GPC6: variants seen among roughly 807,000 people sequenced by gnomAD.
GPC6 encodes the protein glypican-6.
GPC6 carries 14 observed loss-of-function variants against 55.2 expected under a neutral mutation model. That is an observed-to-expected ratio of 0.25 (90% confidence interval 0.17 to 0.40). The LOEUF (loss-of-function observed/expected upper bound fraction) is 0.40, where lower values mean the gene tolerates loss of function less well. Among genes scored for constraint, GPC6 ranks in the 10% least tolerant of loss-of-function variants. The pLI, the probability that GPC6 is intolerant of heterozygous loss-of-function variation, is 1.00. For missense variants in GPC6, 641 were observed against 708.5 expected, an observed-to-expected ratio of 0.90 and a Z score of 1.08; for synonymous variants, 278 against 259.6, an observed-to-expected ratio of 1.07 and a Z score of -0.68.
At chr13:94,070,112 G>A (rs1884670937) in intron 4 of GPC6, among the ~76,000 whole-genome samples, 1 of 152,190 alleles carries the variant, frequency 6.6e-6, no homozygotes, top group Non-Finnish European at 1.5e-5. Flanking sequence ...TGGCTGCAGA[G>A]GCCTCACAAT....
chr13:94,077,404 T>G (rs1418447812), intron 4 of GPC6, among the ~76,000 whole-genome samples: 5 of 151,912 alleles, frequency 3.3e-5, no homozygotes, highest in African/African-American at 4.8e-5. Context: ...AGATATAAAA[T>G]CATGTCATTT....
chr13:93,542,502 T>C (rs1321492978), intron 1 of GPC6, among the ~76,000 whole-genome samples: 1 of 152,196 alleles, frequency 6.6e-6, no homozygotes, highest in African/African-American at 2.4e-5. Flanking sequence ...GACTTGGTGA[T>C]GCGGGCTCCT....
intron 1 of GPC6, among the ~76,000 whole-genome samples, chr13:93,523,326 T>C (rs957976355): frequency 4.1e-5 from 6 of 147,758 alleles, no homozygotes; most frequent in Non-Finnish European, 8.9e-5. Context: ...AAAGAGGATA[T>C]ATATATGCAT....
chr13:94,129,159 C>T (rs974159656), intron 4 of GPC6, among the ~76,000 whole-genome samples: 2 of 152,024 alleles, frequency 1.3e-5, no homozygotes, highest in Non-Finnish European at 2.9e-5. Flanking sequence ...GCTGTAGTTA[C>T]TCAGTATTTA....
chr13:94,126,912 T>C (rs936509631), intron 4 of GPC6, among the ~76,000 whole-genome samples: 1 of 152,128 alleles, frequency 6.6e-6, no homozygotes, highest in African/African-American at 2.4e-5. Flanking sequence ...ATTTACAGTA[T>C]TTTATAGAAA....
intron 4 of GPC6, among the ~76,000 whole-genome samples, chr13:94,030,202 G>A (rs1012710782): frequency 6.6e-6 from 1 of 152,000 alleles, no homozygotes; most frequent in African/African-American, 2.4e-5. Flanking sequence ...GTAGAGACGG[G>A]TTTTCACCGT....
intron 4 of GPC6, among the ~76,000 whole-genome samples, chr13:94,074,698 GA>G (rs1884847724): frequency 6.6e-6 from 1 of 152,164 alleles, no homozygotes; most frequent in Admixed American, 6.5e-5. Context: ...TAATATTTTG[GA>G]AGCAATTAGG....
intron 3 of GPC6, among the ~76,000 whole-genome samples, chr13:93,953,042 C>T (rs1879342507): frequency 6.6e-6 from 1 of 151,828 alleles, no homozygotes; most frequent in East Asian, 1.9e-4. Flanking sequence ...TGCTCCCCTT[C>T]TCATCTTGCC....
intron 2 of GPC6, among the ~76,000 whole-genome samples, chr13:93,815,335 T>C (rs2138956852): frequency 6.6e-6 from 1 of 152,290 alleles, no homozygotes; most frequent in East Asian, 1.9e-4. Flanking sequence ...CTTTTGTGAA[T>C]GATCCATATA....
chr13:93,633,287 C>T (rs1879538599), intron 2 of GPC6, among the ~76,000 whole-genome samples: 1 of 152,112 alleles, frequency 6.6e-6, no homozygotes. Context: ...TTCCTTGTCC[C>T]AAATTTTAGA....
intron 1 of GPC6, among the ~76,000 whole-genome samples, chr13:93,314,176 T>C (rs1276044568): frequency 1.3e-5 from 2 of 152,072 alleles, no homozygotes; most frequent in Admixed American, 1.3e-4. Context: ...CATAAAAGAA[T>C]TTTTTTTCCT....
At position 94,304,134 on chromosome 13, in the gene GPC6, A is replaced by G. The variant is rs139557680; in HGVS notation, c.1009-1846A>G. ...AAGTGATTTAGGCACTACGGAGAAAAGGGCCCACTATCTTTATCACATCGG... is the reference window on the plus strand; with the variant it reads ...AAGTGATTTAGGCACTACGGAGAAAGGGGCCCACTATCTTTATCACATCGG... On this transcript the variant is annotated intron_variant, in intron 5 of 8. Coordinates refer to ENST00000377047, the MANE Select transcript of GPC6 (RefSeq NM_005708.5). Among the ~76,000 whole-genome samples the G allele has an allele frequency of 1.4e-4, 21 of 152,350 alleles. No homozygotes were observed. The East Asian group carries it at 4.0e-3, about 29-fold the overall frequency.
chr13:93,728,010 C>A (rs1449306343), intron 2 of GPC6, among the ~76,000 whole-genome samples: 1 of 152,106 alleles, frequency 6.6e-6, no homozygotes. Flanking sequence ...TCTTCACTCC[C>A]ATCAACACCT....
chr13:93,295,109 C>CAAAAAAAAAAAAAA, intron 1 of GPC6, among the ~76,000 whole-genome samples: 1 of 61,826 alleles, frequency 1.6e-5, no homozygotes, highest in Non-Finnish European at 3.1e-5. Context: ...TCTGTCTCTG[C>CAAAAAAAAAAAAAA]AAAAAAAAAA....
chr13:93,647,480 A>G (rs950480621), intron 2 of GPC6, among the ~76,000 whole-genome samples: 1 of 152,158 alleles, frequency 6.6e-6, no homozygotes, highest in Admixed American at 6.6e-5. Context: ...GGAGGAACAT[A>G]AGACTGAACC....
intron 1 of GPC6, among the ~76,000 whole-genome samples, chr13:93,488,234 CTTGCGATAGT>C (rs1284355793): frequency 6.6e-6 from 1 of 151,962 alleles, no homozygotes; most frequent in Non-Finnish European, 1.5e-5. Context: ...GTTTTTTGTC[CTTGCGATAGT>C]TTGCTCATAA....
chr13:93,681,901 C>T (rs1213289042), intron 2 of GPC6, among the ~76,000 whole-genome samples: 1 of 152,034 alleles, frequency 6.6e-6, no homozygotes, highest in Non-Finnish European at 1.5e-5. Context: ...GCTGTGTTAT[C>T]CCTGCAAGAT....
intron 3 of GPC6, among the ~76,000 whole-genome samples, chr13:93,846,182 AT>A (rs1045221575): frequency 2.0e-5 from 3 of 152,054 alleles, no homozygotes; most frequent in African/African-American, 7.2e-5. Flanking sequence ...AATTGTTCCT[AT>A]TTTATGTCAT....
At chr13:93,494,958 T>G (rs1253506997) in intron 1 of GPC6, among the ~76,000 whole-genome samples, 1 of 142,988 alleles carries the variant, frequency 7.0e-6, no homozygotes, top group Admixed American at 7.2e-5. Context: ...CCCTTAACAT[T>G]TTTTCCTTCA....
Sources: gnomAD v4.1 joint callset for allele counts (sites outside exome capture counted in the v4.1 genomes callset) on GRCh38, gnomAD v4.1.1 for gene constraint, MANE v1.5 for transcripts, NCBI Gene and HGNC (gene_info 2026-07-23, HGNC 2026-07-21) for gene names.